EML5: variants seen among roughly 807,000 people sequenced by gnomAD.
EML5 encodes the protein EMAP like 5.
In EML5, 120 loss-of-function variants were observed where a neutral mutation model predicts 250.0. The ratio of observed to expected loss-of-function variants is 0.48; its 90% CI spans 0.41 to 0.56. The LOEUF (loss-of-function observed/expected upper bound fraction) is 0.56. Ranked by LOEUF, EML5 falls within the 20% of genes least tolerant of loss-of-function variation. The probability of loss-of-function intolerance (pLI) is 0.00; values close to 1 mark genes in which losing one functional copy is unlikely to be tolerated. For missense variants in EML5, 2,006 were observed against 2,437.6 expected (o/e 0.82, Z 3.73); for synonymous variants, 771 against 806.5 (o/e 0.96, Z 0.75).
chr14:88,749,387 AG>A (rs1214489042), intron 2 of EML5, among the ~76,000 whole-genome samples: 3 of 152,180 alleles, frequency 2.0e-5, no homozygotes, highest in Non-Finnish European at 4.4e-5. Context: ...AGCAAACAAA[AG>A]CTGAGAAAAT....
At chr14:88,735,427 AG>A (rs1392068188) in intron 7 of EML5, among the ~76,000 whole-genome samples, 1 of 152,264 alleles carries the variant, frequency 6.6e-6, no homozygotes, top group African/African-American at 2.4e-5. Flanking sequence ...AACAGGTCAA[AG>A]AAAAAAATGT....
At position 88,618,641 on chromosome 14, in the gene EML5, G is replaced by T; in HGVS notation, c.5538+9C>A. On this transcript the variant is annotated intron_variant, in intron 40 of 43. Transcript: ENST00000554922. The stretch of plus-strand genomic sequence containing the variant: ...CTTGCCACCTGGGTATACAGTATTG[G>T]TACTGTACCTGGAGATAACTGCTAT... The T allele has an allele frequency of 6.2e-7, 1 of 1,611,144 alleles. No homozygotes were observed. Among genetic ancestry groups the T allele is most frequent in the Non-Finnish European group, 8.5e-7 (1 of 1,178,634 alleles).
At chr14:88,669,128 C>A (rs1293371662) in intron 21 of EML5, among the ~76,000 whole-genome samples, 3 of 152,234 alleles carry the variant, frequency 2.0e-5, no homozygotes, top group African/African-American at 7.2e-5. Context: ...TTGTGCTATC[C>A]TGCCCGGGAA....
At chr14:88,755,773 A>G (rs1239599867) in intron 1 of EML5, among the ~76,000 whole-genome samples, 1 of 152,104 alleles carries the variant, frequency 6.6e-6, no homozygotes, top group Non-Finnish European at 1.5e-5. Flanking sequence ...CTGGAGGATC[A>G]CCTGAGGTCA....
intron 25 of EML5, among the ~76,000 whole-genome samples, chr14:88,660,281 T>C (rs2092035229): frequency 7.5e-6 from 1 of 132,476 alleles, no homozygotes; most frequent in African/African-American, 3.1e-5. Flanking sequence ...AGACGCTGTC[T>C]TAAAAAAAAA....
chr14:88,622,903 TAAAC>T (rs2089273873), intron 36 of EML5, 185 bp from the exon 37 acceptor site: 1 of 428,642 alleles, frequency 2.3e-6, no homozygotes, highest in South Asian at 7.3e-5. Flanking sequence ...TCAGTCAAAA[TAAAC>T]ATCCAGTTTC....
chr14:88,708,255 GATATC>G (rs1378310401), intron 10 of EML5, among the ~76,000 whole-genome samples: 1 of 151,944 alleles, frequency 6.6e-6, no homozygotes, highest in Non-Finnish European at 1.5e-5. Context: ...AGTGAACCTA[GATATC>G]ATATCTTTCA....
chr14:88,694,285 TAAAAAAGA>T lies in EML5; in HGVS notation c.2539+14_2539+21del, dbSNP rs761297113. ...AATAATTTCTTAAAATTCTATGGAGTAAAAAAGAAGCACTTTCTTACCTGCTTTACGCC... is the reference window on the plus strand; with the variant it reads ...AATAATTTCTTAAAATTCTATGGAGTAGCACTTTCTTACCTGCTTTACGCC... On this transcript the variant is annotated intron_variant, in intron 17 of 43. Transcript: ENST00000554922. 1.3e-6 allele frequency: 2 copies of T among 1,498,698 alleles called. No individual in the cohort carries two copies. Among genetic ancestry groups the T allele is most frequent in the African/African-American group, 2.8e-5 (2 of 72,062 alleles). The allele number at this position is 1,498,698 out of a possible 1,614,324, so 92.8% of individuals were successfully genotyped here. A position where few individuals can be genotyped will look rare whatever the true frequency, so the allele number is the denominator to read the frequency against.
chr14:88,616,322 A>C, intron 42 of EML5, 80 bp from the exon 43 acceptor site: 7 of 1,344,242 alleles, frequency 5.2e-6, no homozygotes, highest in African/African-American at 1.4e-5. Context: ...TATAATCTCT[A>C]TGACAAGAGC....
intron 2 of EML5, among the ~76,000 whole-genome samples, chr14:88,751,972 A>G (rs890917510): frequency 1.7e-4 from 26 of 152,210 alleles, no homozygotes; most frequent in African/African-American, 6.3e-4. Flanking sequence ...GGTTGTTGGG[A>G]GGATTAAATG....
At chr14:88,656,170 A>G (rs1595392996) in intron 27 of EML5, among the ~76,000 whole-genome samples, 1 of 152,370 alleles carries the variant, frequency 6.6e-6, no homozygotes, top group East Asian at 1.9e-4. Context: ...ATGCACATGT[A>G]TATTTATTAC....
intron 27 of EML5, among the ~76,000 whole-genome samples, chr14:88,654,629 A>T (rs1340278848): frequency 6.6e-6 from 1 of 152,102 alleles, no homozygotes; most frequent in Non-Finnish European, 1.5e-5. Context: ...ATTCAATTGC[A>T]CTATGGTTTG....
At chr14:88,767,646 C>A (rs939172849) in intron 1 of EML5, among the ~76,000 whole-genome samples, 2 of 151,964 alleles carry the variant, frequency 1.3e-5, no homozygotes, top group African/African-American at 4.8e-5. Context: ...TTGTGGCCTA[C>A]CTTTTAATTT....
At chr14:88,762,294 T>C (rs1418344254) in intron 1 of EML5, among the ~76,000 whole-genome samples, 2 of 152,166 alleles carry the variant, frequency 1.3e-5, no homozygotes, top group African/African-American at 2.4e-5. Flanking sequence ...GTGGATCACC[T>C]GAGGTCGGGA....
intron 36 of EML5, 136 bp downstream of exon 36, chr14:88,624,834 T>A: frequency 1.1e-6 from 1 of 927,640 alleles, no homozygotes; most frequent in African/African-American, 1.7e-5. Flanking sequence ...ACATAAAAGG[T>A]AATAAAGGAG....
intron 33 of EML5, among the ~76,000 whole-genome samples, chr14:88,628,624 T>C (rs1046009764): frequency 9.9e-5 from 15 of 152,208 alleles, no homozygotes; most frequent in Admixed American, 3.9e-4. Context: ...AATACTAAAG[T>C]GCATTTGCTT....
At chr14:88,788,532 A>G (rs1349132781) in intron 1 of EML5, among the ~76,000 whole-genome samples, 2 of 149,878 alleles carry the variant, frequency 1.3e-5, no homozygotes, top group Non-Finnish European at 1.5e-5. Context: ...CCCTTTCACT[A>G]TGTTAAAAAA....
chr14:88,689,828 C>A (rs762137552), intron 17 of EML5, among the ~76,000 whole-genome samples: 1 of 152,122 alleles, frequency 6.6e-6, no homozygotes, highest in African/African-American at 2.4e-5. Context: ...ACAGAACAGG[C>A]AAGACAACAA....
At chr14:88,659,294 C>T (rs2091988077) in intron 25 of EML5, among the ~76,000 whole-genome samples, 1 of 151,786 alleles carries the variant, frequency 6.6e-6, no homozygotes, top group Non-Finnish European at 1.5e-5. Context: ...CCACTGTAAC[C>T]TCCGCCTCCT....
Sources: gnomAD v4.1 joint callset for allele counts (sites outside exome capture counted in the v4.1 genomes callset) on GRCh38, gnomAD v4.1.1 for gene constraint, MANE v1.5 for transcripts, NCBI Gene and HGNC (gene_info 2026-07-23, HGNC 2026-07-21) for gene names.